GREB1L: variants seen among roughly 807,000 people sequenced by gnomAD.
The protein encoded by GREB1L is GREB1-like protein.
A neutral mutation model predicts 200.8 loss-of-function variants in GREB1L; 17 were observed. The ratio of observed to expected loss-of-function variants is 0.08; its 90% confidence interval spans 0.06 to 0.13. The LOEUF (loss-of-function observed/expected upper bound fraction) is 0.13, where lower values mean the gene tolerates loss of function less well. Among genes scored for constraint, GREB1L ranks in the 10% least tolerant of loss-of-function variants. The pLI, the probability that GREB1L is intolerant of heterozygous loss-of-function variation, is 1.00. For missense variants in GREB1L, 1,657 were observed against 2,367.7 expected (o/e 0.70, Z 6.23); for synonymous variants, 789 against 893.0 (o/e 0.88, Z 2.08).
intron 1 of GREB1L, among the ~76,000 whole-genome samples, chr18:21,308,453 A>G (rs1168616362): frequency 6.6e-6 from 1 of 152,192 alleles, no homozygotes; most frequent in Non-Finnish European, 1.5e-5. Flanking sequence ...TCGCAGCCTC[A>G]CACATTTGCC....
intron 1 of GREB1L, among the ~76,000 whole-genome samples, chr18:21,321,320 A>T (rs2038948107): frequency 6.6e-6 from 1 of 151,990 alleles, no homozygotes; most frequent in Non-Finnish European, 1.5e-5. Context: ...ATAAAATCTT[A>T]AGAAACCTTA....
At chr18:21,244,756 T>C (rs2037568435) in intron 1 of GREB1L, among the ~76,000 whole-genome samples, 1 of 152,280 alleles carries the variant, frequency 6.6e-6, no homozygotes, top group Non-Finnish European at 1.5e-5. Context: ...CCACAGAATG[T>C]GTGTTTATGT....
At chr18:21,509,498 C>T (rs1034075006) in intron 27 of GREB1L, among the ~76,000 whole-genome samples, 1 of 152,200 alleles carries the variant, frequency 6.6e-6, no homozygotes, top group Non-Finnish European at 1.5e-5. Context: ...TCTGCCTCTC[C>T]CTTCCTTCTT....
chr18:21,340,407 G>A (rs1369122343), intron 1 of GREB1L, among the ~76,000 whole-genome samples: 4 of 151,650 alleles, frequency 2.6e-5, no homozygotes, highest in African/African-American at 4.8e-5. Flanking sequence ...GCAACAGAGC[G>A]AGACTCCGTC....
chr18:21,464,357 G>A (rs2035180657), intron 15 of GREB1L, among the ~76,000 whole-genome samples: 1 of 151,854 alleles, frequency 6.6e-6, no homozygotes, highest in Non-Finnish European at 1.5e-5. Flanking sequence ...ATTTATAGTA[G>A]AGATAGTAAA....
intron 1 of GREB1L, among the ~76,000 whole-genome samples, chr18:21,261,570 G>T (rs2037889656): frequency 6.6e-6 from 1 of 151,572 alleles, no homozygotes; most frequent in Non-Finnish European, 1.5e-5. Context: ...TGATTATCTT[G>T]TGTTAAAAAA....
chr18:21,507,517 G>A (rs2037063952), intron 25 of GREB1L, among the ~76,000 whole-genome samples: 1 of 152,112 alleles, frequency 6.6e-6, no homozygotes, highest in African/African-American at 2.4e-5. Flanking sequence ...ACTGAGATAG[G>A]TTACTGAAAA....
chr18:21,301,219 A>G (rs1439419872), intron 1 of GREB1L, among the ~76,000 whole-genome samples: 4 of 152,162 alleles, frequency 2.6e-5, no homozygotes, highest in Non-Finnish European at 4.4e-5. Context: ...CTCCTTATCT[A>G]TGTGCATTGT....
At chr18:21,409,050 T>A (rs1283600488) in intron 7 of GREB1L, among the ~76,000 whole-genome samples, 1 of 152,160 alleles carries the variant, frequency 6.6e-6, no homozygotes, top group Admixed American at 6.5e-5. Context: ...TGAAAATATA[T>A]GTTCTCATAA....
intron 13 of GREB1L, 71 bp downstream of exon 13, chr18:21,451,222 C>T (rs1307633386): frequency 2.0e-6 from 3 of 1,476,868 alleles, no homozygotes; most frequent in South Asian, 2.5e-5. Context: ...AAATCTTAGC[C>T]TGTCAAGATG....
intron 1 of GREB1L, among the ~76,000 whole-genome samples, chr18:21,283,222 T>C (rs918867355): frequency 1.7e-4 from 26 of 152,208 alleles, no homozygotes; most frequent in Non-Finnish European, 3.2e-4. Context: ...TTGTTGGTAA[T>C]ACCTGTTAAA....
At position 21,248,635 on chromosome 18, in the gene GREB1L, G is replaced by A. The variant is rs527910865; in HGVS notation, c.-120+6242G>A. Among the ~76,000 whole-genome samples the A allele has an allele frequency of 1.9e-4, 29 of 152,340 alleles. No homozygotes were observed. In the East Asian group the frequency reaches 4.6e-3, roughly 24 times the overall value. On this transcript the variant is annotated intron_variant, in intron 1 of 32. Coordinates refer to ENST00000424526, the MANE Select transcript of GREB1L (RefSeq NM_001142966.3). ...AAATAAATGGTTGTTCTTATACTAAGACTGATGGCAAATGATTACAACTTT... is the reference window on the plus strand; with the variant it reads ...AAATAAATGGTTGTTCTTATACTAAAACTGATGGCAAATGATTACAACTTT...
intron 1 of GREB1L, among the ~76,000 whole-genome samples, chr18:21,348,874 G>A (rs1023996917): frequency 6.6e-6 from 1 of 152,216 alleles, no homozygotes; most frequent in Non-Finnish European, 1.5e-5. Flanking sequence ...AAGCCAAGGA[G>A]GTGGAAGTGG....
At chr18:21,500,341 T>A (rs1435924729) in intron 22 of GREB1L, 35 bp downstream of exon 22, 1 of 964,722 alleles carries the variant, frequency 1.0e-6, no homozygotes, top group Non-Finnish European at 1.6e-6. Context: ...TTTCTTAGGC[T>A]GGGGTTGGCG....
intron 1 of GREB1L, among the ~76,000 whole-genome samples, chr18:21,318,378 TTTTG>T (rs2038904798): frequency 6.6e-6 from 1 of 152,184 alleles, no homozygotes; most frequent in South Asian, 2.1e-4. Context: ...GTTTTTCGGA[TTTTG>T]TTTTTCTTTT....
At chr18:21,457,733 A>G (rs533231141) in intron 15 of GREB1L, among the ~76,000 whole-genome samples, 8 of 152,330 alleles carry the variant, frequency 5.3e-5, no homozygotes, top group South Asian at 4.1e-4. Flanking sequence ...ACACATACCA[A>G]TTGATAGAAG....
At chr18:21,244,235 A>T (rs767942752) in intron 1 of GREB1L, among the ~76,000 whole-genome samples, 2 of 152,166 alleles carry the variant, frequency 1.3e-5, no homozygotes, top group Non-Finnish European at 2.9e-5. Context: ...TGCAATCTTT[A>T]TTGAATTTTT....
At chr18:21,428,503 C>T (rs1243047540) in intron 7 of GREB1L, among the ~76,000 whole-genome samples, 1 of 150,872 alleles carries the variant, frequency 6.6e-6, no homozygotes. Flanking sequence ...ACCTGTGTCT[C>T]TTGAGATGAT....
At chr18:21,260,001 G>A (rs2037864681) in intron 1 of GREB1L, among the ~76,000 whole-genome samples, 1 of 151,758 alleles carries the variant, frequency 6.6e-6, no homozygotes, top group Non-Finnish European at 1.5e-5. Context: ...TAAGGCATGA[G>A]AAATTATCAT....
Sources: gnomAD v4.1 joint callset for allele counts (sites outside exome capture counted in the v4.1 genomes callset) on GRCh38, gnomAD v4.1.1 for gene constraint, MANE v1.5 for transcripts, NCBI Gene and HGNC (gene_info 2026-07-23, HGNC 2026-07-21) for gene names.